Variants in ACTR2 observed in about 807,000 individuals in gnomAD.
ACTR2 encodes actin related protein 2, also known as actin-related protein 2.
A neutral mutation model predicts 50.2 loss-of-function variants in ACTR2; 5 were observed. That is an observed-to-expected ratio of 0.10 (90% CI 0.05 to 0.21). ACTR2 has a LOEUF of 0.21. ACTR2 is among the 10% of genes least tolerant of loss of function. The probability of loss-of-function intolerance (pLI) is 1.00; values close to 1 mark genes in which losing one functional copy is unlikely to be tolerated. For missense variants in ACTR2, 180 were observed against 480.6 expected (o/e 0.37, Z 5.85); for synonymous variants, 140 against 162.9 (o/e 0.86, Z 1.07).
chr2:65,237,578 C>G (rs1671764166), intron 1 of ACTR2, among the ~76,000 whole-genome samples: 1 of 152,160 alleles, frequency 6.6e-6, no homozygotes, highest in African/African-American at 2.4e-5. Context: ...CTGCCGGGCA[C>G]AGTGGCTCAT....
chr2:65,270,840 A>G lies in ACTR2; in HGVS notation c.*2106A>G, dbSNP rs1026611811. On this transcript the variant is annotated 3_prime_UTR_variant, in exon 9 of 9. Transcript: ENST00000260641. Reference sequence around the variant, plus strand: ...TATTCCAGGGTGACATAATGCATTTAAATTTGGGATTTGGGTGGAGTATTA... The same window carrying G: ...TATTCCAGGGTGACATAATGCATTTGAATTTGGGATTTGGGTGGAGTATTA... 4.6e-5 allele frequency: 7 copies of G among 152,262 alleles called. No individual in the cohort carries two copies. The highest frequency in any genetic ancestry group is 1.2e-4 in the African/African-American group (5 of 41,572). 9.4% of individuals were successfully genotyped at this position (152,262 alleles called of 1,614,324 possible).
chr2:65,246,314 T>G (rs917850562), intron 2 of ACTR2: 1 of 408,040 alleles, frequency 2.5e-6, no homozygotes, highest in African/African-American at 2.1e-5. Flanking sequence ...AAAGGTAAGG[T>G]CAATTTATTG....
At chr2:65,237,808 G>A (rs1236204189) in intron 1 of ACTR2, among the ~76,000 whole-genome samples, 4 of 151,948 alleles carry the variant, frequency 2.6e-5, no homozygotes, top group East Asian at 3.9e-4. Context: ...GTGAAACCCC[G>A]TCTCTACTAA....
intron 1 of ACTR2, among the ~76,000 whole-genome samples, chr2:65,230,945 T>G (rs1671626347): frequency 6.6e-6 from 1 of 151,760 alleles, no homozygotes; most frequent in African/African-American, 2.4e-5. Flanking sequence ...TCCCAGCTAC[T>G]TGGGAGGCTG....
rs187814858 is a variant in ACTR2, at chr2:65,262,264, C to G, written c.881+872C>G. Reference sequence around the variant, plus strand: ...TTGTTTTTTGAGACGGAATGTCACTCTCTCACCCAGGCTGAAGTGTAGTGG... The same window carrying G: ...TTGTTTTTTGAGACGGAATGTCACTGTCTCACCCAGGCTGAAGTGTAGTGG... On this transcript the variant is annotated intron_variant, in intron 7 of 8. Coordinates refer to ENST00000260641, the MANE Select transcript of ACTR2 (RefSeq NM_005722.4). Among the ~76,000 whole-genome samples the G allele has an allele frequency of 1.4e-4, 21 of 152,292 alleles. No individual in the cohort carries two copies. In the East Asian group the frequency reaches 4.1e-3, roughly 29 times the overall value.
Position 65,255,595 on chromosome 2 carries a change from G to C in ACTR2, c.636G>C (p.Thr212=). The C allele has an allele frequency of 6.2e-7, 1 of 1,613,924 alleles. No individual in the cohort carries two copies. The highest frequency in any genetic ancestry group is 1.1e-5 in the South Asian group (1 of 91,064). Reference sequence around the variant, plus strand: ...TCAACCACTCTGCTGATTTTGAAACGGTTCGCATGATTAAAGAAAAACTGT... The same window carrying C: ...TCAACCACTCTGCTGATTTTGAAACCGTTCGCATGATTAAAGAAAAACTGT... The part of the protein sequence containing the change: ...YAFNHSADFE[T]VRMIKEKLCY... The change falls in exon 6 of 9, where the codon ACG becomes ACC. Residue 212 remains threonine (T), a synonymous_variant. Transcript: ENST00000260641.
At chr2:65,239,818 G>A (rs191281817) in intron 1 of ACTR2, 34 bp from the exon 2 acceptor site, 258 of 1,261,562 alleles carry the variant, frequency 2.0e-4, no homozygotes, top group Admixed American at 5.4e-4. Context: ...ATATCCTGAT[G>A]CTAACCCACT....
chr2:65,254,734 T>G (rs1205274570), intron 5 of ACTR2, among the ~76,000 whole-genome samples: 1 of 152,230 alleles, frequency 6.6e-6, no homozygotes, highest in African/African-American at 2.4e-5. Context: ...GTGCTGCTAT[T>G]AAGAAACCCT....
intron 1 of ACTR2, among the ~76,000 whole-genome samples, chr2:65,233,698 G>A (rs927090503): frequency 2.0e-5 from 3 of 151,170 alleles, no homozygotes; most frequent in Admixed American, 6.6e-5. Flanking sequence ...TGCAACCTCC[G>A]CCTCCCAGGT....
At chr2:65,228,483 C>G (rs1471087294) in intron 1 of ACTR2, 1 of 148,870 alleles carries the variant, frequency 6.7e-6, no homozygotes, top group African/African-American at 2.5e-5. Flanking sequence ...TCAGCCCTTT[C>G]GCTGTGTTTG....
Position 65,265,825 on chromosome 2 carries a change from T to C in ACTR2, c.1014+650T>C, listed in dbSNP as rs527602713. On this transcript the variant is annotated intron_variant, in intron 8 of 8. Coordinates refer to ENST00000260641, the MANE Select transcript of ACTR2 (RefSeq NM_005722.4). ...GTGCTGTATACTTAACCAAGAGTTA[T>C]CTAATCCTGAGTTAATCTCTGAGCT... Among the ~76,000 whole-genome samples, 26 of 152,364 alleles carry C rather than the reference T, an allele frequency of 1.7e-4. 1 individual carries two copies. The South Asian group carries it at 5.4e-3, about 32-fold the overall frequency.
intron 2 of ACTR2, among the ~76,000 whole-genome samples, chr2:65,244,494 A>G (rs1286535175): frequency 6.6e-6 from 1 of 152,200 alleles, no homozygotes; most frequent in African/African-American, 2.4e-5. Flanking sequence ...GATTTATTAC[A>G]TATCTGTTCA....
chr2:65,232,571 A>AC (rs1486309636), intron 1 of ACTR2, among the ~76,000 whole-genome samples: 1 of 152,232 alleles, frequency 6.6e-6, no homozygotes, highest in Non-Finnish European at 1.5e-5. Context: ...TTACTAAAGA[A>AC]CATCAGTACC....
chr2:65,251,166 A>C (rs960607912), intron 4 of ACTR2, 67 bp downstream of exon 4: 6 of 1,198,852 alleles, frequency 5.0e-6, no homozygotes, highest in Non-Finnish European at 5.9e-6. Context: ...TTTATGTCAG[A>C]GAATTTGGTT....
intron 1 of ACTR2, among the ~76,000 whole-genome samples, chr2:65,231,982 C>T (rs1163420862): frequency 6.6e-6 from 1 of 152,202 alleles, no homozygotes; most frequent in Non-Finnish European, 1.5e-5. Flanking sequence ...GATCACATGA[C>T]CAATGTTGGT....
chr2:65,229,952 T>C lies in ACTR2; in HGVS notation c.48+1995T>C, dbSNP rs1323481300. Among the ~76,000 whole-genome samples the C allele has an allele frequency of 2.0e-5, 3 of 152,090 alleles. No homozygotes were observed. The East Asian group carries it at 5.8e-4, about 29-fold the overall frequency. On this transcript the variant is annotated intron_variant, in intron 1 of 8. Transcript: ENST00000260641. ...AAACTTGTATCCGCATATGAAAGTT[T>C]TGGAGGGATACATAAGAAATGTTCA...
chr2:65,239,489 A>C (rs568570719), intron 1 of ACTR2, among the ~76,000 whole-genome samples: 7 of 152,234 alleles, frequency 4.6e-5, no homozygotes, highest in Admixed American at 3.3e-4. Context: ...GCATTTGTTC[A>C]GCGAATTTGT....
In ACTR2 at chr2:65,251,003, TTTTC is replaced by T. The variant is rs1313154296; in HGVS notation, c.376-18_376-15del. The T allele has an allele frequency of 7.7e-6, 12 of 1,552,258 alleles. No individual in the cohort carries two copies. The highest frequency in any genetic ancestry group is 1.4e-5 in the African/African-American group (1 of 72,106). ...TATGTAATTTTCTAAATACCAGTTT[TTTTC>T]TTTCTGTCTGCATTTACAGGTAATG... On this transcript the variant is annotated intron_variant, in intron 3 of 8. Transcript: ENST00000260641.
chr2:65,255,110 G>T (rs115219374), intron 5 of ACTR2, among the ~76,000 whole-genome samples: 1,880 of 152,154 alleles, frequency 0.012, 36 homozygotes, highest in African/African-American at 0.043. Flanking sequence ...TCTAATATGT[G>T]CCAGACACAG....
Sources: gnomAD v4.1 joint callset for allele counts (sites outside exome capture counted in the v4.1 genomes callset) on GRCh38, gnomAD v4.1.1 for gene constraint, MANE v1.5 for transcripts, NCBI Gene and HGNC (gene_info 2026-07-23, HGNC 2026-07-21) for gene names.